Variants in ZBTB34 observed in about 807,000 individuals in gnomAD.
ZBTB34 encodes zinc finger and BTB domain-containing protein 34.
In ZBTB34, 1 loss-of-function variant was observed where a neutral mutation model predicts 33.4. The ratio of observed to expected loss-of-function variants is 0.03; its 90% confidence interval spans 0.01 to 0.14. ZBTB34 has a LOEUF of 0.14. Ranked by LOEUF, ZBTB34 falls within the 10% of genes least tolerant of loss-of-function variation. The pLI is 1.00. For missense variants in ZBTB34, 406 were observed against 657.2 expected, an observed-to-expected ratio of 0.62 and a Z score of 4.18; for synonymous variants, 283 against 253.5, an observed-to-expected ratio of 1.12 and a Z score of -1.11.
At chr9:126,871,366 CTTTTTTT>C (rs575246185) in intron 1 of ZBTB34, among the ~76,000 whole-genome samples, 1 of 137,086 alleles carries the variant, frequency 7.3e-6, no homozygotes, top group Admixed American at 7.4e-5. Flanking sequence ...GATTTTTTTT[CTTTTTTT>C]TTTTTTTTGA....
chr9:126,870,510 C>T (rs1029968405), intron 1 of ZBTB34, among the ~76,000 whole-genome samples: 3 of 152,044 alleles, frequency 2.0e-5, no homozygotes, highest in South Asian at 2.1e-4. Flanking sequence ...CCTTAATTTG[C>T]GAAGAGCTCT....
intron 1 of ZBTB34, among the ~76,000 whole-genome samples, chr9:126,868,990 C>A (rs897424705): frequency 3.7e-5 from 5 of 135,780 alleles, no homozygotes; most frequent in African/African-American, 1.3e-4. Flanking sequence ...GAACATTCTT[C>A]TCCTCATAAC....
Position 126,880,358 on chromosome 9 carries a change from G to A in ZBTB34, c.959G>A (p.Arg320Gln), listed in dbSNP as rs770580483. The A allele has an allele frequency of 6.2e-6, 10 of 1,613,788 alleles. No homozygotes were observed. The Admixed American group carries it at 8.3e-5, about 13-fold the overall frequency. The stretch of plus-strand genomic sequence containing the variant: ...TCCAGGTCCATGCTGAGCTGTTTCC[G>A]AGGAGGGCGTGCCCGCCAGAAGCGG... Residue 320 changes from arginine to glutamine, a missense_variant, in exon 2 of 2, where the codon CGA becomes CAA. Physicochemically the swap from Arg to Gln is conservative, Grantham distance 43. Coordinates refer to ENST00000319119, the Ensembl canonical transcript of ZBTB34. This position sits in a 1 kb window ranked among gnomAD's most constrained non-coding sequence, Gnocchi z 6.7.
At chr9:126,870,558 A>G (rs79106760) in intron 1 of ZBTB34, among the ~76,000 whole-genome samples, 7,647 of 152,326 alleles carry the variant, frequency 0.05, 317 homozygotes, top group Non-Finnish European at 0.07. Flanking sequence ...GGCAAAGGAT[A>G]TGAGTAGGCA....
rs756741742 is a variant in ZBTB34 at position 126,880,486 on chromosome 9, A to G, written c.1087A>G (p.Arg363Gly). The G allele has an allele frequency of 1.5e-5, 25 of 1,613,658 alleles. No homozygotes were observed. The highest frequency in any genetic ancestry group is 1.7e-5 in the Admixed American group (1 of 59,990). Residue 363 changes from arginine (R) to glycine (G), a missense_variant, in exon 2 of 2, where the codon AGG (arginine) becomes GGG (glycine). By Grantham distance (125) the Arg-to-Gly change is moderately radical. Transcript: ENST00000319119. This position sits in a 1 kb window ranked among gnomAD's most constrained non-coding sequence, Gnocchi z 6.7. ...CGGGTATGAGAGCAGTCCCCGGGAG[A>G]GGAGTGCGAGAGGGCATTGGTACCC...
intron 1 of ZBTB34, among the ~76,000 whole-genome samples, chr9:126,875,605 TG>T (rs1308616020): frequency 1.3e-5 from 2 of 152,208 alleles, no homozygotes; most frequent in Non-Finnish European, 2.9e-5. Flanking sequence ...GCTATATTGT[TG>T]GTTGCACCTT....
chr9:126,885,170 G>A (rs923970355), exon 2 of ZBTB34: 1 of 167,074 alleles, frequency 6.0e-6, no homozygotes, highest in African/African-American at 2.4e-5. Flanking sequence ...GTGCCAGAGT[G>A]TTCCCACTGT....
rs561443206 is a variant in ZBTB34, at chr9:126,876,789, T to C, written c.-10-2601T>C. On this transcript the variant is annotated intron_variant, in intron 1 of 1. Transcript: ENST00000319119. The stretch of plus-strand genomic sequence containing the variant: ...GCCAATTTATGTTATCCTAAAAATA[T>C]GTTCATTTCATACAGATTTCAAATT... Among the ~76,000 whole-genome samples, 7 of 152,330 alleles carry C rather than the reference T, an allele frequency of 4.6e-5. No individual in the cohort carries two copies. The East Asian group carries it at 1.2e-3, about 25-fold the overall frequency.
intron 1 of ZBTB34, among the ~76,000 whole-genome samples, chr9:126,876,453 C>G (rs2033365416): frequency 6.6e-6 from 1 of 151,504 alleles, no homozygotes; most frequent in Admixed American, 6.6e-5. Context: ...CCTGTACTTA[C>G]TGATGTTGCA....
At chr9:126,873,389 G>A (rs372338483) in intron 1 of ZBTB34, among the ~76,000 whole-genome samples, 2 of 151,826 alleles carry the variant, frequency 1.3e-5, no homozygotes, top group Non-Finnish European at 2.9e-5. Flanking sequence ...TCAGCCCCCC[G>A]AGTACCTGGG....
At chr9:126,876,162 C>CCTTCCCCG in intron 1 of ZBTB34, among the ~76,000 whole-genome samples, 1 of 828 alleles carries the variant, frequency 1.2e-3, no homozygotes, top group Non-Finnish European at 2.8e-3. Flanking sequence ...TCCCTTCCGT[C>CCTTCCCCG]CTTCCCCCCT....
chr9:126,875,103 G>A lies in ZBTB34; in HGVS notation c.-10-4287G>A, dbSNP rs77311270. 4.1e-3 allele frequency among the ~76,000 whole-genome samples: 630 copies of A among 152,302 alleles called. 8 individuals are homozygous for A. The highest frequency in any genetic ancestry group is 0.031 in the East Asian group (159 of 5,192). Reference sequence around the variant, plus strand: ...GCCACTGACCACAGGCGACTGTTGAGCGCATGGAATGTGGTTAGTCCAAAC... The same window carrying A: ...GCCACTGACCACAGGCGACTGTTGAACGCATGGAATGTGGTTAGTCCAAAC... On this transcript the variant is annotated intron_variant, in intron 1 of 1. Coordinates refer to ENST00000319119, the Ensembl canonical transcript of ZBTB34.
chr9:126,864,062 T>C (rs2033172672), intron 1 of ZBTB34, among the ~76,000 whole-genome samples: 1 of 152,178 alleles, frequency 6.6e-6, no homozygotes, highest in South Asian at 2.1e-4. Context: ...AAATGAGAAT[T>C]CTCTTTCTAC....
chr9:126,864,757 C>T (rs933676303), intron 1 of ZBTB34, among the ~76,000 whole-genome samples: 1 of 152,032 alleles, frequency 6.6e-6, no homozygotes, highest in Non-Finnish European at 1.5e-5. Context: ...CTCATGACAG[C>T]TCAATTTTGG....
At chr9:126,872,124 T>G (rs2033287625) in intron 1 of ZBTB34, among the ~76,000 whole-genome samples, 1 of 152,104 alleles carries the variant, frequency 6.6e-6, no homozygotes, top group African/African-American at 2.4e-5. Flanking sequence ...TTTTTTTTTG[T>G]ATTTTCAGTA....
chr9:126,870,618 C>G (rs1420198592), intron 1 of ZBTB34, among the ~76,000 whole-genome samples: 1 of 152,196 alleles, frequency 6.6e-6, no homozygotes, highest in African/African-American at 2.4e-5. Context: ...GAAAAGATAT[C>G]AACCTCATTT....
exon 2 of ZBTB34, chr9:126,882,621 C>T (rs2033457733): frequency 6.0e-6 from 1 of 167,018 alleles, no homozygotes; most frequent in African/African-American, 2.4e-5. Flanking sequence ...AGAACCTGGG[C>T]TCTGAGACGC....
intron 1 of ZBTB34, among the ~76,000 whole-genome samples, chr9:126,861,489 C>G (rs1177018529): frequency 6.6e-6 from 1 of 152,108 alleles, no homozygotes; most frequent in African/African-American, 2.4e-5. Context: ...ATTTAACTCT[C>G]TAAGAACCCT....
chr9:126,881,335 A>G (rs1048714907), exon 2 of ZBTB34: 6 of 166,264 alleles, frequency 3.6e-5, no homozygotes, highest in Non-Finnish European at 5.8e-5. Flanking sequence ...CTAATTTAAA[A>G]TTCCTTTTAG....
Sources: allele counts gnomAD v4.1 joint callset (sites outside exome capture counted in the v4.1 genomes callset), GRCh38; gene constraint gnomAD v4.1.1; non-coding constraint Gnocchi (gnomAD v3.1); transcripts MANE v1.5; gene names NCBI Gene and HGNC (gene_info 2026-07-23, HGNC 2026-07-21).